Variants in PGGT1B observed in about 807,000 individuals in gnomAD.
The protein encoded by PGGT1B is geranylgeranyl transferase type-1 subunit beta.
Under a neutral mutation model 46.1 loss-of-function variants are expected in PGGT1B, and 30 were observed. The observed-to-expected ratio is 0.65, with a 90% confidence interval of 0.49 to 0.88. PGGT1B has a LOEUF of 0.88. PGGT1B is among the 40% of genes least tolerant of loss of function. The pLI is 0.00. For synonymous variants in PGGT1B, 170 were observed against 160.0 expected, an observed-to-expected ratio of 1.06 and a Z score of -0.47; for missense variants, 376 against 455.9, an observed-to-expected ratio of 0.82 and a Z score of 1.60.
In PGGT1B at chr5:115,207,180, C is replaced by CATATATTTATATATATATAT. The variant is rs1756089677; in HGVS notation, c.*5221_*5222insATATATATATATAAATATAT. The CATATATTTATATATATATAT allele has an allele frequency of 1.1e-5, 1 of 89,950 alleles. No individual in the cohort carries two copies. Among genetic ancestry groups the CATATATTTATATATATATAT allele is most frequent in the Non-Finnish European group, 2.4e-5 (1 of 42,226 alleles). The allele number at this position is 89,950 out of a possible 1,614,324, so 5.6% of individuals were successfully genotyped here. A position where few individuals can be genotyped will look rare whatever the true frequency, so the allele number is the denominator to read the frequency against. ...ACTAGTTTAGGTTTGCATATACATA[C>CATATATTTATATATATATAT]ATATATATATATATATATATATATA... On this transcript the variant is annotated 3_prime_UTR_variant, in exon 9 of 9. Transcript: ENST00000419445.
Position 115,237,968 on chromosome 5 carries a change from T to C in PGGT1B, c.369A>G (p.Ala123=). Reference sequence around the variant, plus strand: ...AGCATGAGAGGCCAGTGTAGGTCATTGCAATGTGGCCACTATCATAAGGAT... The same window carrying C: ...AGCATGAGAGGCCAGTGTAGGTCATCGCAATGTGGCCACTATCATAAGGAT... ...TAHPYDSGHI[A]MTYTGLSCLV... Residue 123 remains alanine (A), a synonymous_variant, in exon 4 of 9, where the codon GCA becomes GCG. Transcript: ENST00000419445. 1 of 1,610,952 alleles carries C rather than the reference T, an allele frequency of 6.2e-7. No individual in the cohort carries two copies. The highest frequency in any genetic ancestry group is 8.5e-7 in the Non-Finnish European group (1 of 1,178,286).
At chr5:115,224,622 C>A (rs769880320) in intron 6 of PGGT1B, among the ~76,000 whole-genome samples, 12 of 151,952 alleles carry the variant, frequency 7.9e-5, no homozygotes, top group Non-Finnish European at 1.5e-4. Context: ...TAAATCCCAC[C>A]ACTTTGGGAG....
At chr5:115,238,290 G>GTTT (rs1757245634) in intron 3 of PGGT1B, among the ~76,000 whole-genome samples, 1 of 72,030 alleles carries the variant, frequency 1.4e-5, no homozygotes, top group African/African-American at 6.5e-5. Flanking sequence ...TATTTTTTTG[G>GTTT]ATTTTTTTTT....
At position 115,206,337 on chromosome 5, in the gene PGGT1B, AATT is replaced by A. The variant is rs1756062214; in HGVS notation, c.*6062_*6064del. On this transcript the variant is annotated 3_prime_UTR_variant, in exon 9 of 9. Coordinates refer to ENST00000419445, the MANE Select transcript of PGGT1B (RefSeq NM_005023.4). Reference sequence around the variant, plus strand: ...GGGAGAGAACTATCATTTTTCTTTAAATTATAAAACTAAATGACCATTTTAAAA... The same window carrying A: ...GGGAGAGAACTATCATTTTTCTTTAAATAAAACTAAATGACCATTTTAAAA... The A allele has an allele frequency of 6.6e-6, 1 of 151,954 alleles. No homozygotes were observed. Among genetic ancestry groups the A allele is most frequent in the South Asian group, 2.1e-4 (1 of 4,828 alleles). 9.4% of individuals were successfully genotyped at this position (151,954 alleles called of 1,614,324 possible).
chr5:115,253,213 C>T lies in PGGT1B; in HGVS notation c.183G>A (p.Leu61=), dbSNP rs776672665. ...CTTTGTTCACCACATCTAAGGAATC[C>T]AACATATCCAGCCCGGAGAGTGCAA... ...AFFALSGLDM[L]DSLDVVNKDD... is the part of the protein sequence containing the mutation. Residue 61 remains leucine, a synonymous_variant, in exon 2 of 9, where the codon TTG becomes TTA. Transcript: ENST00000419445. 6.3e-7 allele frequency: 1 copy of T among 1,599,412 alleles called. No individual in the cohort carries two copies. Among genetic ancestry groups the T allele is most frequent in the Admixed American group, 1.8e-5 (1 of 56,530 alleles).
chr5:115,246,189 C>T (rs1200979451), intron 2 of PGGT1B, among the ~76,000 whole-genome samples: 1 of 152,004 alleles, frequency 6.6e-6, no homozygotes, highest in Non-Finnish European at 1.5e-5. Flanking sequence ...TACCCCATCT[C>T]TACTAAAAGT....
chr5:115,262,434 TG>T lies in PGGT1B; in HGVS notation c.140+277del. ...AGTAATGAGGCAAAGTGACAGGCTATGGGAGCGGGTAAAAAAGCAGCTCAGA... is the reference window on the plus strand; with the variant it reads ...AGTAATGAGGCAAAGTGACAGGCTATGGAGCGGGTAAAAAAGCAGCTCAGA... On this transcript the variant is annotated intron_variant, in intron 1 of 8. Coordinates refer to ENST00000419445, the MANE Select transcript of PGGT1B (RefSeq NM_005023.4). 6 of 467,784 alleles carry T rather than the reference TG, an allele frequency of 1.3e-5. No homozygotes were observed. The South Asian group carries it at 1.6e-4, about 12-fold the overall frequency. 29.0% of individuals were successfully genotyped at this position (467,784 alleles called of 1,614,324 possible).
At position 115,204,093 on chromosome 5, in the gene PGGT1B, G is replaced by A. The variant is rs780281385; in HGVS notation, c.*8309C>T. The A allele has an allele frequency of 6.6e-6, 1 of 152,060 alleles. No individual in the cohort carries two copies. Among genetic ancestry groups the A allele is most frequent in the African/African-American group, 2.4e-5 (1 of 41,402 alleles). The allele number at this position is 152,060 out of a possible 1,614,324, so 9.4% of individuals were successfully genotyped here. A position where few individuals can be genotyped will look rare whatever the true frequency, so the allele number is the denominator to read the frequency against. ...AATCATATTAGTTTTTCGGGGGTAG[G>A]AGTAAAGATCACATTGTTGAATTAT... On this transcript the variant is annotated 3_prime_UTR_variant, in exon 9 of 9. Coordinates refer to ENST00000419445, the MANE Select transcript of PGGT1B (RefSeq NM_005023.4).
chr5:115,253,210 A>C lies in PGGT1B; in HGVS notation c.186T>G (p.Asp62Glu). 1.9e-6 allele frequency: 3 copies of C among 1,599,792 alleles called. No homozygotes were observed. Among genetic ancestry groups the C allele is most frequent in the Non-Finnish European group, 2.6e-6 (3 of 1,174,010 alleles). ...FFALSGLDML[D>E]SLDVVNKDDI... The stretch of plus-strand genomic sequence containing the variant: ...CATCTTTGTTCACCACATCTAAGGA[A>C]TCCAACATATCCAGCCCGGAGAGTG... The change falls in exon 2 of 9, where the codon GAT (aspartate) becomes GAG (glutamate). Residue 62 changes from aspartate (D) to glutamate (E), a missense_variant. Around this residue, in one of 2 missense-constraint regions of PGGT1B, gnomAD observed 154 missense variants for 142.3 expected, o/e 1.08. Transcript: ENST00000419445.
chr5:115,253,403 A>G, intron 1 of PGGT1B, 148 bp from the exon 2 acceptor site: 1 of 566,224 alleles, frequency 1.8e-6, no homozygotes, highest in Non-Finnish European at 3.0e-6. Flanking sequence ...ATATATATAT[A>G]CATATTCTTG....
At chr5:115,238,541 T>C (rs1449851612) in intron 3 of PGGT1B, among the ~76,000 whole-genome samples, 1 of 152,004 alleles carries the variant, frequency 6.6e-6, no homozygotes, top group African/African-American at 2.4e-5. Flanking sequence ...CAGAAAAGCA[T>C]ATAGCCTTCC....
At chr5:115,224,721 A>T (rs1756709259) in intron 6 of PGGT1B, among the ~76,000 whole-genome samples, 1 of 151,964 alleles carries the variant, frequency 6.6e-6, no homozygotes, top group South Asian at 2.1e-4. Flanking sequence ...AAATATTTTT[A>T]AAATTGGCCA....
chr5:115,254,933 C>T (rs1481748162), intron 1 of PGGT1B, among the ~76,000 whole-genome samples: 1 of 152,112 alleles, frequency 6.6e-6, no homozygotes, highest in Non-Finnish European at 1.5e-5. Flanking sequence ...GGCAGTGGAA[C>T]TCCTTTATGT....
At position 115,221,849 on chromosome 5, in the gene PGGT1B, G is replaced by T. The variant is rs374939078; in HGVS notation, c.818C>A (p.Ser273Tyr). ...RPNKPVDTCY[S>Y]FWVGATLKLL... ...CTTCAGAGTTGCTCCCACCCAAAAA[G>T]AATAACAGGTGTCTACAGGCTTATT... is the stretch of plus-strand genomic sequence containing the variant. Residue 273 changes from serine to tyrosine, a missense_variant, in exon 7 of 9, where the codon TCT becomes TAT. Coordinates refer to ENST00000419445, the MANE Select transcript of PGGT1B (RefSeq NM_005023.4). 4 of 1,592,072 alleles carry T rather than the reference G, an allele frequency of 2.5e-6. No homozygotes were observed. Among genetic ancestry groups the T allele is most frequent in the Non-Finnish European group, 2.6e-6 (3 of 1,172,934 alleles).
At chr5:115,254,454 G>A (rs1441868299) in intron 1 of PGGT1B, among the ~76,000 whole-genome samples, 2 of 152,144 alleles carry the variant, frequency 1.3e-5, no homozygotes, top group East Asian at 3.9e-4. Context: ...CAAAGTTAGT[G>A]TTAAGCACTT....
intron 8 of PGGT1B, among the ~76,000 whole-genome samples, chr5:115,214,361 T>C (rs1032733874): frequency 1.3e-5 from 2 of 152,202 alleles, no homozygotes; most frequent in East Asian, 1.9e-4. Context: ...TGGAACTATA[T>C]GTTTACTCCA....
Position 115,262,859 on chromosome 5 carries a change from C to T in PGGT1B, c.-8G>A, listed in dbSNP as rs781438743. The stretch of plus-strand genomic sequence containing the variant: ...ATCCTCAGTGGCCGCCATGCTGCTC[C>T]GGAAGCGACGTCCGCCGCGACCCGG... On this transcript the variant is annotated 5_prime_UTR_variant, in exon 1 of 9. Coordinates refer to ENST00000419445, the MANE Select transcript of PGGT1B (RefSeq NM_005023.4). 2.5e-6 allele frequency: 4 copies of T among 1,611,562 alleles called. No homozygotes were observed. Among genetic ancestry groups the T allele is most frequent in the Non-Finnish European group, 1.7e-6 (2 of 1,179,632 alleles).
chr5:115,248,334 C>G (rs1457671864), intron 2 of PGGT1B, among the ~76,000 whole-genome samples: 2 of 152,206 alleles, frequency 1.3e-5, no homozygotes, highest in Admixed American at 6.5e-5. Flanking sequence ...AAACTGCATT[C>G]TAATCTTGTC....
At chr5:115,225,493 T>C (rs1756744593) in intron 6 of PGGT1B, among the ~76,000 whole-genome samples, 1 of 152,206 alleles carries the variant, frequency 6.6e-6, no homozygotes, top group Non-Finnish European at 1.5e-5. Flanking sequence ...GAGATTCTCT[T>C]AGTACTTGTA....
Sources: gnomAD v4.1 joint callset for allele counts (sites outside exome capture counted in the v4.1 genomes callset) on GRCh38, gnomAD v4.1.1 for gene constraint, gnomAD v4.1.1 regional missense constraint, MANE v1.5 for transcripts, NCBI Gene and HGNC (gene_info 2026-07-23, HGNC 2026-07-21) for gene names.